TJP2: variants seen among roughly 807,000 people sequenced by gnomAD.
TJP2 encodes the protein tight junction protein 2.
In TJP2, 91 loss-of-function variants were observed where a neutral mutation model predicts 133.1. That is an observed-to-expected ratio of 0.68 (90% CI 0.58 to 0.81). The LOEUF (loss-of-function observed/expected upper bound fraction) is 0.81, where lower values mean the gene tolerates loss of function less well. Ranked by LOEUF, TJP2 falls within the 40% of genes least tolerant of loss-of-function variation. The pLI is 0.00. For synonymous variants in TJP2, 592 were observed against 583.4 expected (o/e 1.01, Z -0.21); for missense variants, 1,541 against 1,565.6 (o/e 0.98, Z 0.26).
At chr9:69,151,546 A>T in intron 1 of TJP2, 1 of 1,191,392 alleles carries the variant, frequency 8.4e-7, no homozygotes, top group Non-Finnish European at 1.1e-6. Flanking sequence ...AAGCCATCCT[A>T]AAAACGGGCA....
chr9:69,196,481 G>A (rs1471171813), intron 1 of TJP2, among the ~76,000 whole-genome samples: 1 of 152,166 alleles, frequency 6.6e-6, no homozygotes, highest in Non-Finnish European at 1.5e-5. Context: ...TACTGCTACT[G>A]CCTCTGCTTT....
intron 1 of TJP2, among the ~76,000 whole-genome samples, chr9:69,180,425 G>A (rs1825414908): frequency 6.6e-6 from 1 of 152,158 alleles, no homozygotes; most frequent in South Asian, 2.1e-4. Flanking sequence ...GGACCTTCTA[G>A]GTTCTTCTGA....
chr9:69,183,703 T>C (rs1475402471), intron 1 of TJP2, among the ~76,000 whole-genome samples: 1 of 152,150 alleles, frequency 6.6e-6, no homozygotes, highest in Admixed American at 6.5e-5. Flanking sequence ...CCTAGGACCA[T>C]AGGTTAGGGA....
exon 1 of TJP2, chr9:69,121,655 C>T (rs1822146737): frequency 6.5e-6 from 1 of 153,296 alleles, no homozygotes; most frequent in Non-Finnish European, 1.4e-5. Flanking sequence ...CCCAGCGCCC[C>T]GGAGAGCCGC....
intron 2 of TJP2, among the ~76,000 whole-genome samples, chr9:69,159,209 G>C (rs940387341): frequency 6.6e-6 from 1 of 152,008 alleles, no homozygotes; most frequent in East Asian, 1.9e-4. Context: ...CAGCTACTTG[G>C]GGGTGCTGAG....
At chr9:69,142,170 A>G (rs1251166290) in intron 1 of TJP2, among the ~76,000 whole-genome samples, 1 of 152,216 alleles carries the variant, frequency 6.6e-6, no homozygotes, top group Admixed American at 6.5e-5. Context: ...CGCTGGGCAC[A>G]TGGGTTATTT....
At chr9:69,174,008 C>A (rs975608439), upstream of TJP2, 1 of 984,850 alleles carries the variant, frequency 1.0e-6, no homozygotes, top group African/African-American at 1.7e-5. Flanking sequence ...CCTTGGGCTT[C>A]TCCTGCCGCC....
intron 12 of TJP2, among the ~76,000 whole-genome samples, chr9:69,235,748 G>A (rs1463319699): frequency 1.3e-5 from 2 of 152,170 alleles, no homozygotes; most frequent in Non-Finnish European, 2.9e-5. Context: ...ATACGTGACT[G>A]TCATTCAAAA....
chr9:69,124,609 T>C lies in TJP2; in HGVS notation c.-131+2884T>C, dbSNP rs1314215184. Among the ~76,000 whole-genome samples, 2 of 77,432 alleles carry C rather than the reference T, an allele frequency of 2.6e-5. 1 individual carries two copies. Among genetic ancestry groups the C allele is most frequent in the Non-Finnish European group, 6.0e-5 (2 of 33,566 alleles). The allele number at this position is 77,432 out of a possible 152,430, so 50.8% of individuals were successfully genotyped here. ...GCTTCCTTTGATTGAAAAGTCCCTT[T>C]GAAATGGTGAATGAAGATAATTCAA... On this transcript the variant is annotated intron_variant, in intron 1 of 5. Coordinates refer to the TJP2 transcript ENST00000423935.
intron 2 of TJP2, among the ~76,000 whole-genome samples, chr9:69,165,274 T>C (rs1276983089): frequency 1.3e-5 from 2 of 152,212 alleles, no homozygotes. Flanking sequence ...ACTTCAGGTG[T>C]GTGCCATCAC....
chr9:69,189,663 T>TA (rs34446622), intron 1 of TJP2, among the ~76,000 whole-genome samples: 56,268 of 65,614 alleles, frequency 0.86, 24,827 homozygotes, highest in Middle Eastern at 0.95. Context: ...TTAAAAAAGT[T>TA]AAAAAAAAAA....
chr9:69,253,202 T>C lies in TJP2; in HGVS notation c.3407+302T>C. 3 of 421,398 alleles carry C rather than the reference T, an allele frequency of 7.1e-6. No individual in the cohort carries two copies. The South Asian group carries it at 7.5e-5, about 11-fold the overall frequency. 26.1% of individuals were successfully genotyped at this position (421,398 alleles called of 1,614,324 possible). On this transcript the variant is annotated intron_variant, in intron 22 of 22. Coordinates refer to ENST00000377245, the MANE Select transcript of TJP2 (RefSeq NM_004817.4). ...GCACATGGTTAGCACATGAGCAGAA[T>C]TCCTACGGCTTAGACCTGTTTTGTC...
Position 69,221,151 on chromosome 9 carries a change from C to T in TJP2, c.607C>T (p.Arg203Trp), listed in dbSNP as rs781732191. The T allele has an allele frequency of 3.8e-6, 6 of 1,594,224 alleles. No homozygotes were observed. In the East Asian group the frequency reaches 6.8e-5, roughly 18 times the overall value. ...CCGGAGCCGTGGCCGGAGCCTGGAG[C>T]GGGGCCTGGACCAAGACCATGCGCG... The part of the protein sequence containing the change: ...RDRSRGRSLE[R>W]GLDQDHARTR... Residue 203 changes from arginine to tryptophan, a missense_variant, in exon 5 of 23, where the codon CGG becomes TGG. Physicochemically the swap from Arg to Trp is moderately radical, Grantham distance 101. Coordinates refer to ENST00000377245, the MANE Select transcript of TJP2 (RefSeq NM_004817.4).
At chr9:69,201,347 G>A (rs979670184) in intron 1 of TJP2, among the ~76,000 whole-genome samples, 2 of 151,982 alleles carry the variant, frequency 1.3e-5, no homozygotes, top group African/African-American at 4.8e-5. Flanking sequence ...CGTTCTGATG[G>A]CCATCCTCTA....
At chr9:69,226,359 G>A (rs1451214187) in intron 7 of TJP2, among the ~76,000 whole-genome samples, 184 bp downstream of exon 7, 1 of 152,146 alleles carries the variant, frequency 6.6e-6, no homozygotes, top group Non-Finnish European at 1.5e-5. Flanking sequence ...TTGAAATTAG[G>A]TTTCCAATAC....
Position 69,226,028 on chromosome 9 carries a change from G to C in TJP2, c.1063G>C (p.Gly355Arg), listed in dbSNP as rs78681604. The C allele has an allele frequency of 6.3e-4, 1,022 of 1,614,024 alleles. 15 individuals are homozygous for C. In the African/African-American group the frequency reaches 0.012, roughly 20 times the overall value. ...CCATTTTTTATAAACACAGATCAATGGGACTGTAACTGAGAACATGTCTTT... is the reference window on the plus strand; with the variant it reads ...CCATTTTTTATAAACACAGATCAATCGGACTGTAACTGAGAACATGTCTTT... ...HEGDIILKIN[G>R]TVTENMSLTD... The change falls in exon 7 of 23, where the codon GGG becomes CGG. Residue 355 changes from glycine (G) to arginine (R), a missense_variant. Coordinates refer to ENST00000377245, the MANE Select transcript of TJP2 (RefSeq NM_004817.4).
rs1420220634 is a variant in TJP2 at position 69,239,926 on chromosome 9, T to G, written c.2356-11T>G. On this transcript the variant is annotated splice_polypyrimidine_tract_variant and intron_variant, in intron 16 of 22. Coordinates refer to ENST00000377245, the MANE Select transcript of TJP2 (RefSeq NM_004817.4). ...TATCCATTTCTCTAACTTTTCCCCT[T>G]TTGTAAACAGGATAAGCATGCACTA... The G allele has an allele frequency of 3.7e-6, 6 of 1,612,396 alleles. No individual in the cohort carries two copies. The highest frequency in any genetic ancestry group is 5.1e-6 in the Non-Finnish European group (6 of 1,178,410).
Position 69,218,461 on chromosome 9 carries a change from C to T in TJP2, c.342+102C>T, listed in dbSNP as rs78266220. 0.015 allele frequency: 12,122 copies of T among 833,506 alleles called. 364 individuals carry two copies. Among genetic ancestry groups the T allele is most frequent in the African/African-American group, 0.1 (6,010 of 59,616 alleles). 51.6% of individuals were successfully genotyped at this position (833,506 alleles called of 1,614,324 possible). On this transcript the variant is annotated intron_variant, in intron 4 of 22. Coordinates refer to ENST00000377245, the MANE Select transcript of TJP2 (RefSeq NM_004817.4). ...TTAAGCATTTGACAGAATTACATAA[C>T]CTAGGGACCGCTGTTCTTGGATCCT...
chr9:69,202,197 T>A (rs1159526197), intron 1 of TJP2, among the ~76,000 whole-genome samples: 1 of 152,182 alleles, frequency 6.6e-6, no homozygotes, highest in Non-Finnish European at 1.5e-5. Context: ...CCTTCCAAGA[T>A]GGTGTCTTGT....
Sources: gnomAD v4.1 joint callset for allele counts (sites outside exome capture counted in the v4.1 genomes callset) on GRCh38, gnomAD v4.1.1 for gene constraint, MANE v1.5 for transcripts, NCBI Gene and HGNC (gene_info 2026-07-23, HGNC 2026-07-21) for gene names.